Variants in CCDC91 observed in about 807,000 individuals in gnomAD.
CCDC91 encodes the protein coiled-coil domain-containing protein 91.
In CCDC91, 48 loss-of-function variants were observed where a neutral mutation model predicts 63.2. That is an observed-to-expected ratio of 0.76 (90% CI 0.60 to 0.97). The LOEUF is 0.97. CCDC91 is among the 50% of genes least tolerant of loss of function. The pLI, the probability that CCDC91 is intolerant of heterozygous loss-of-function variation, is 0.00. For synonymous variants in CCDC91, 167 were observed against 165.8 expected, an observed-to-expected ratio of 1.01 and a Z score of -0.06; for missense variants, 500 against 494.6, an observed-to-expected ratio of 1.01 and a Z score of -0.10.
At chr12:28,262,221 C>T (rs1259365327) in intron 3 of CCDC91, among the ~76,000 whole-genome samples, 4 of 151,808 alleles carry the variant, frequency 2.6e-5, no homozygotes, top group Admixed American at 2.6e-4. Context: ...CTCCTTTTTT[C>T]CCACCTACCT....
intron 6 of CCDC91, among the ~76,000 whole-genome samples, chr12:28,316,689 T>G (rs1052469043): frequency 3.3e-5 from 5 of 151,436 alleles, no homozygotes; most frequent in African/African-American, 1.2e-4. Context: ...TTACATGAAA[T>G]TGGTTCTCTT....
chr12:28,268,689 A>G (rs1279258398), intron 3 of CCDC91: 1 of 984,318 alleles, frequency 1.0e-6, no homozygotes, highest in Admixed American at 6.2e-5. Context: ...GAATCTTCAG[A>G]GGGTAGAAGT....
chr12:28,381,838 T>G (rs923658373), intron 7 of CCDC91, among the ~76,000 whole-genome samples: 7 of 152,128 alleles, frequency 4.6e-5, no homozygotes, highest in African/African-American at 1.7e-4. Context: ...CTGAGCCACT[T>G]GGATGGCTTT....
At chr12:28,466,850 TTTATC>T (rs1369459339) in intron 11 of CCDC91, among the ~76,000 whole-genome samples, 5 of 152,074 alleles carry the variant, frequency 3.3e-5, no homozygotes. Context: ...TGTGTAAACT[TTTATC>T]CTAAGGAGAA....
At chr12:28,419,477 A>C (rs192555025) in intron 8 of CCDC91, among the ~76,000 whole-genome samples, 293 of 152,314 alleles carry the variant, frequency 1.9e-3, no homozygotes, top group African/African-American at 5.6e-3. Context: ...ATATAAACCA[A>C]TAAATCTTTT....
At chr12:28,372,987 C>G (rs1565875837) in intron 7 of CCDC91, among the ~76,000 whole-genome samples, 1 of 152,072 alleles carries the variant, frequency 6.6e-6, no homozygotes. Flanking sequence ...GCTTTTATTA[C>G]TTTGAGGAAT....
chr12:28,428,098 TTGATA>T (rs1948425357), intron 8 of CCDC91, among the ~76,000 whole-genome samples: 1 of 152,006 alleles, frequency 6.6e-6, no homozygotes, highest in African/African-American at 2.4e-5. Context: ...CTGTCTTTTA[TTGATA>T]TAAGTACTTA....
intron 1 of CCDC91, among the ~76,000 whole-genome samples, chr12:28,201,192 C>A (rs4760713): frequency 6.6e-6 from 1 of 150,914 alleles, no homozygotes; most frequent in African/African-American, 2.4e-5. Flanking sequence ...ACTTCCCAGA[C>A]GGGGTGACTG....
intron 3 of CCDC91, 94 bp downstream of exon 3, chr12:28,259,536 T>A: frequency 1.3e-6 from 1 of 761,108 alleles, no homozygotes; most frequent in Non-Finnish European, 2.2e-6. Context: ...ACTTTTTTAC[T>A]TGTCCTTCAC....
chr12:28,542,121 G>A (rs1035992453), intron 12 of CCDC91, among the ~76,000 whole-genome samples: 2 of 152,022 alleles, frequency 1.3e-5, no homozygotes, highest in Admixed American at 6.6e-5. Flanking sequence ...GAAAGTTATA[G>A]TAGATTCTGC....
At chr12:28,494,828 T>C (rs1402817087) in intron 12 of CCDC91, among the ~76,000 whole-genome samples, 1 of 151,750 alleles carries the variant, frequency 6.6e-6, no homozygotes, top group Admixed American at 6.6e-5. Context: ...AGATGTACAT[T>C]TTTAAATGCA....
intron 12 of CCDC91, among the ~76,000 whole-genome samples, chr12:28,511,234 AC>A (rs1452052631): frequency 6.6e-6 from 1 of 151,730 alleles, no homozygotes; most frequent in Non-Finnish European, 1.5e-5. Flanking sequence ...ACTCGCTTTC[AC>A]TCTTTCACCC....
intron 11 of CCDC91, among the ~76,000 whole-genome samples, chr12:28,455,938 T>A (rs374193877): frequency 1.3e-5 from 2 of 152,176 alleles, no homozygotes; most frequent in East Asian, 3.9e-4. Flanking sequence ...CCATGTGACT[T>A]TTTAGAGGAG....
chr12:28,241,039 C>G (rs892511481), intron 1 of CCDC91, among the ~76,000 whole-genome samples: 4 of 152,180 alleles, frequency 2.6e-5, no homozygotes, highest in African/African-American at 9.7e-5. Flanking sequence ...TTCTCCACAT[C>G]CTTGCCAGCA....
At chr12:28,538,736 A>T (rs942237735) in intron 12 of CCDC91, among the ~76,000 whole-genome samples, 75 of 152,162 alleles carry the variant, frequency 4.9e-4, no homozygotes, top group African/African-American at 1.5e-3. Context: ...GTGTAAAAGT[A>T]TTCCTATTTC....
intron 3 of CCDC91, among the ~76,000 whole-genome samples, chr12:28,261,237 A>G (rs1216898821): frequency 6.6e-6 from 1 of 152,028 alleles, no homozygotes; most frequent in East Asian, 1.9e-4. Context: ...TGTATAATAT[A>G]TTTAAGGAAC....
chr12:28,529,648 T>C (rs1172952072), intron 12 of CCDC91, among the ~76,000 whole-genome samples: 2 of 152,182 alleles, frequency 1.3e-5, no homozygotes, highest in African/African-American at 4.8e-5. Context: ...CAGGAATGTA[T>C]GTGTAGACAA....
intron 7 of CCDC91, among the ~76,000 whole-genome samples, chr12:28,384,804 T>C (rs1321186090): frequency 6.6e-6 from 1 of 152,100 alleles, no homozygotes; most frequent in Non-Finnish European, 1.5e-5. Context: ...GTAAGGCAGG[T>C]ATGTAAAGTT....
chr12:28,388,193 A>G (rs1242782985), intron 7 of CCDC91, among the ~76,000 whole-genome samples: 3 of 151,992 alleles, frequency 2.0e-5, no homozygotes, highest in Non-Finnish European at 4.4e-5. Context: ...AGAATTGTCT[A>G]TTCATGTCCT....
Sources: allele counts gnomAD v4.1 joint callset (sites outside exome capture counted in the v4.1 genomes callset), GRCh38; gene constraint gnomAD v4.1.1; transcripts MANE v1.5; gene names NCBI Gene and HGNC (gene_info 2026-07-23, HGNC 2026-07-21).